CAMTA1: variants seen among roughly 807,000 people sequenced by gnomAD.
CAMTA1 encodes the protein calmodulin binding transcription activator 1.
Under a neutral mutation model 170.9 loss-of-function variants are expected in CAMTA1, and 27 were observed. That is an observed-to-expected ratio of 0.16 (90% CI 0.12 to 0.22). CAMTA1 has a LOEUF of 0.22. Among genes scored for constraint, CAMTA1 ranks in the 10% least tolerant of loss-of-function variants. The pLI is 1.00. For synonymous variants in CAMTA1, 833 were observed against 891.5 expected (o/e 0.93, Z 1.17); for missense variants, 1,619 against 2,217.2 (o/e 0.73, Z 5.42).
chr1:7,350,661 A>G (rs961921490), intron 5 of CAMTA1, among the ~76,000 whole-genome samples: 6 of 152,104 alleles, frequency 3.9e-5, no homozygotes, highest in Non-Finnish European at 8.8e-5. Flanking sequence ...CAGGACTTCT[A>G]ACTTCATATT....
At position 6,900,560 on chromosome 1, in the gene CAMTA1, A is replaced by G. The variant is rs1417521590; in HGVS notation, c.234+75350A>G. On this transcript the variant is annotated intron_variant, in intron 3 of 22. Transcript: ENST00000303635. ...AAAAACCCATGGAATCTATATAAAA[A>G]AAAACCCAAGCACCTATGAGAATAA... is the stretch of plus-strand genomic sequence containing the variant. Among the ~76,000 whole-genome samples, 9 of 152,202 alleles carry G rather than the reference A, an allele frequency of 5.9e-5. No homozygotes were observed. The East Asian group carries it at 1.7e-3, about 29-fold the overall frequency.
chr1:7,415,983 T>G (rs1575194257), intron 5 of CAMTA1, among the ~76,000 whole-genome samples: 1 of 152,216 alleles, frequency 6.6e-6, no homozygotes, highest in Non-Finnish European at 1.5e-5. Flanking sequence ...AGCGTTTGCT[T>G]GTCTGTAAAG....
At chr1:7,428,358 A>G (rs1557697542) in intron 5 of CAMTA1, among the ~76,000 whole-genome samples, 1 of 151,632 alleles carries the variant, frequency 6.6e-6, no homozygotes, top group East Asian at 2.0e-4. Flanking sequence ...TATGAATGGG[A>G]TCTTTGGGGT....
chr1:6,897,181 G>A (rs1675827342), intron 3 of CAMTA1, among the ~76,000 whole-genome samples: 1 of 152,226 alleles, frequency 6.6e-6, no homozygotes, highest in African/African-American at 2.4e-5. Flanking sequence ...GAACAAACAG[G>A]TTGAGCACAG....
At chr1:6,838,250 A>G (rs1654096910) in intron 3 of CAMTA1, among the ~76,000 whole-genome samples, 1 of 152,174 alleles carries the variant, frequency 6.6e-6, no homozygotes, top group Non-Finnish European at 1.5e-5. Context: ...TACCCCAGAA[A>G]AGCTTGTGAT....
intron 3 of CAMTA1, among the ~76,000 whole-genome samples, chr1:6,866,404 T>G (rs1273754321): frequency 6.6e-6 from 1 of 152,178 alleles, no homozygotes. Context: ...AGTGGAAAGA[T>G]GAAAGTGAAC....
chr1:7,027,630 A>C (rs1702193748), intron 3 of CAMTA1, among the ~76,000 whole-genome samples: 1 of 152,164 alleles, frequency 6.6e-6, no homozygotes, highest in African/African-American at 2.4e-5. Context: ...AAAAGACGGA[A>C]GCATGGCGGG....
chr1:6,927,976 T>A (rs1683647408), intron 3 of CAMTA1, among the ~76,000 whole-genome samples: 1 of 152,134 alleles, frequency 6.6e-6, no homozygotes, highest in African/African-American at 2.4e-5. Flanking sequence ...TGTCCTGCCT[T>A]CTTCCTGCCT....
chr1:7,339,028 AT>A (rs2083597316), intron 5 of CAMTA1, among the ~76,000 whole-genome samples: 1 of 152,108 alleles, frequency 6.6e-6, no homozygotes, highest in Non-Finnish European at 1.5e-5. Flanking sequence ...AAACAACTGG[AT>A]GTGGTGAGAA....
At chr1:7,276,303 A>ATATATATATATATATATTTTTTTTTTTT in intron 5 of CAMTA1, among the ~76,000 whole-genome samples, 3 of 24,230 alleles carry the variant, frequency 1.2e-4, no homozygotes, top group African/African-American at 8.9e-4. Context: ...ATATATATAT[A>ATATATATATATATATATTTTTTTTTTTT]TTTTTTTTTT....
chr1:6,836,875 G>C (rs1198770172), intron 3 of CAMTA1, among the ~76,000 whole-genome samples: 1 of 152,048 alleles, frequency 6.6e-6, no homozygotes, highest in African/African-American at 2.4e-5. Flanking sequence ...CTGGTCCCAG[G>C]CCAAGCCTCT....
chr1:6,875,473 C>T (rs1669573436), intron 3 of CAMTA1, among the ~76,000 whole-genome samples: 1 of 152,036 alleles, frequency 6.6e-6, no homozygotes, highest in African/African-American at 2.4e-5. Context: ...TTAGTAGAAA[C>T]GAGGTTTCAC....
In CAMTA1 at chr1:6,887,904, G is replaced by A. The variant is rs992822639; in HGVS notation, c.234+62694G>A. The A allele has an allele frequency of 7.3e-7, 1 of 1,371,624 alleles. No homozygotes were observed. Among genetic ancestry groups the A allele is most frequent in the Non-Finnish European group, 9.4e-7 (1 of 1,059,196 alleles). The allele number at this position is 1,371,624 out of a possible 1,614,324, so 85.0% of individuals were successfully genotyped here. A position where few individuals can be genotyped will look rare whatever the true frequency, so the allele number is the denominator to read the frequency against. ...AAGTGACCTACTCTTGCCTCATCCG[G>A]AGTTATTACGAAGGAGCTCCGCAGC... On this transcript the variant is annotated intron_variant, in intron 3 of 22. Coordinates refer to ENST00000303635, the MANE Select transcript of CAMTA1 (RefSeq NM_015215.4). This position sits in a 1 kb window ranked among gnomAD's most constrained non-coding sequence, Gnocchi z 4.1.
chr1:7,255,210 G>A (rs977150595), intron 5 of CAMTA1, among the ~76,000 whole-genome samples: 2 of 152,064 alleles, frequency 1.3e-5, no homozygotes, highest in South Asian at 2.1e-4. Context: ...TGGGTGCAGC[G>A]AACCACTGTG....
chr1:7,217,664 G>A (rs956754436), intron 4 of CAMTA1, among the ~76,000 whole-genome samples: 3 of 151,604 alleles, frequency 2.0e-5, no homozygotes, highest in African/African-American at 7.3e-5. Context: ...AGTCTAATGG[G>A]TACCTTTGTA....
chr1:6,803,704 G>A (rs556875067), intron 1 of CAMTA1, among the ~76,000 whole-genome samples: 87 of 152,218 alleles, frequency 5.7e-4, no homozygotes, highest in African/African-American at 2.1e-3. Flanking sequence ...CAGGGATTTG[G>A]TTCTTTTTTA....
At chr1:7,693,631 G>A (rs376917843) in intron 11 of CAMTA1, 6 of 152,228 alleles carry the variant, frequency 3.9e-5, no homozygotes, top group African/African-American at 1.4e-4. Context: ...AGGGAGGAAG[G>A]GCATAGGGCA....
At chr1:6,863,721 C>G (rs1000592922) in intron 3 of CAMTA1, among the ~76,000 whole-genome samples, 4 of 152,166 alleles carry the variant, frequency 2.6e-5, no homozygotes, top group Middle Eastern at 3.2e-3. Context: ...ACCTGTTTCC[C>G]CTGCTAACAT....
intron 6 of CAMTA1, among the ~76,000 whole-genome samples, chr1:7,494,151 CAA>C (rs201225081): frequency 1.7e-4 from 19 of 113,220 alleles, no homozygotes; most frequent in Admixed American, 9.6e-5. Flanking sequence ...ATCTGCTGTT[CAA>C]AAAAAAAAAA....
Sources: allele counts gnomAD v4.1 joint callset (sites outside exome capture counted in the v4.1 genomes callset), GRCh38; gene constraint gnomAD v4.1.1; non-coding constraint Gnocchi (gnomAD v3.1); transcripts MANE v1.5; gene names NCBI Gene and HGNC (gene_info 2026-07-23, HGNC 2026-07-21).